Variants in APLP2 observed in about 807,000 individuals in gnomAD.
APLP2 encodes CDEI box-binding protein.
In APLP2, 53 loss-of-function variants were observed where a neutral mutation model predicts 89.9. That is an observed-to-expected ratio of 0.59 (90% CI 0.47 to 0.74). APLP2 has a LOEUF of 0.74. Among genes scored for constraint, APLP2 ranks in the 30% least tolerant of loss-of-function variants. The probability of loss-of-function intolerance (pLI) is 0.00; values close to 1 mark genes in which losing one functional copy is unlikely to be tolerated. For missense variants in APLP2, 973 were observed against 975.9 expected (o/e 1.00, Z 0.04); for synonymous variants, 372 against 348.6 (o/e 1.07, Z -0.75).
At chr11:130,133,848 C>T in intron 12 of APLP2, 120 bp downstream of exon 12, 2 of 723,276 alleles carry the variant, frequency 2.8e-6, no homozygotes. Flanking sequence ...GGCATTAGCA[C>T]ATCCTGGCTT....
chr11:130,104,747 C>T (rs1237416488), intron 1 of APLP2, among the ~76,000 whole-genome samples: 1 of 151,410 alleles, frequency 6.6e-6, no homozygotes, highest in Non-Finnish European at 1.5e-5. Flanking sequence ...GGGCCTTCTA[C>T]TTTAATAAAT....
intron 12 of APLP2, 66 bp downstream of exon 12, chr11:130,133,794 G>A: frequency 1.6e-6 from 2 of 1,263,082 alleles, no homozygotes; most frequent in South Asian, 2.4e-5. Flanking sequence ...AGTGAAAGCT[G>A]GGCAAGAGTA....
At chr11:130,109,653 G>T (rs1290553726) in intron 2 of APLP2, 51 bp downstream of exon 2, 3 of 1,555,450 alleles carry the variant, frequency 1.9e-6, no homozygotes, top group South Asian at 1.2e-5. Flanking sequence ...GGGCAGGGTT[G>T]AATCTGTTTA....
In APLP2 at chr11:130,140,398, G is replaced by C; in HGVS notation, c.1838G>C (p.Gly613Ala). ...HPFPALPENE[G>A]SGVGEQDGGL... ...TCAGCCATGATCTCTCTCCACACAGGATCTGGAGTGGGAGAGCAGGATGGG... is the reference window on the plus strand; with the variant it reads ...TCAGCCATGATCTCTCTCCACACAGCATCTGGAGTGGGAGAGCAGGATGGG... Residue 613 changes from glycine to alanine, a missense_variant and splice_region_variant, in exon 14 of 17, where the codon GGA (glycine) becomes GCA (alanine). Coordinates refer to ENST00000338167, the MANE Select transcript of APLP2 (RefSeq NM_001142276.2). 1 of 1,605,716 alleles carries C rather than the reference G, an allele frequency of 6.2e-7. No homozygotes were observed. Among genetic ancestry groups the C allele is most frequent in the Non-Finnish European group, 8.5e-7 (1 of 1,176,324 alleles).
intron 13 of APLP2, among the ~76,000 whole-genome samples, chr11:130,137,579 C>T (rs974025116): frequency 6.6e-6 from 1 of 152,228 alleles, no homozygotes; most frequent in Non-Finnish European, 1.5e-5. Context: ...ATTTCATGAC[C>T]CTTTTAATCT....
At chr11:130,107,812 C>G (rs1318634145) in intron 1 of APLP2, among the ~76,000 whole-genome samples, 1 of 152,340 alleles carries the variant, frequency 6.6e-6, no homozygotes, top group Non-Finnish European at 1.5e-5. Context: ...TGACTTCAAA[C>G]TATACTTCAA....
chr11:130,143,427 C>T lies in APLP2; in HGVS notation c.2235C>T (p.Tyr745=). 1 of 1,613,922 alleles carries T rather than the reference C, an allele frequency of 6.2e-7. No homozygotes were observed. The highest frequency in any genetic ancestry group is 8.5e-7 in the Non-Finnish European group (1 of 1,179,964). ...NHGYENPTYK[Y]LEQMQI Reference sequence around the variant, plus strand: ...GCTATGAGAACCCCACCTACAAATACCTGGAGCAGATGCAGATTTAGGTGG... The same window carrying T: ...GCTATGAGAACCCCACCTACAAATATCTGGAGCAGATGCAGATTTAGGTGG... The change falls in exon 17 of 17, where the codon TAC becomes TAT. Residue 745 remains tyrosine, a synonymous_variant. Transcript: ENST00000338167.
chr11:130,121,757 T>G lies in APLP2; in HGVS notation c.660T>G (p.Asp220Glu), dbSNP rs1063201. Reference protein sequence around the residue: ...GSVSKEEEEEDEEEEEEEDEE... With the variant: ...GSVSKEEEEEEEEEEEEEDEE... ...TGTCAAAAGAAGAGGAAGAGGAAGA[T>G]GAAGAGGAAGAGGAAGAGGAAGATG... The change falls in exon 5 of 17, where the codon GAT becomes GAG. Residue 220 changes from aspartate to glutamate, a missense_variant. Coordinates refer to ENST00000338167, the MANE Select transcript of APLP2 (RefSeq NM_001142276.2). The G allele has an allele frequency of 7.7e-5, 124 of 1,609,902 alleles. No homozygotes were observed. Among genetic ancestry groups the G allele is most frequent in the Middle Eastern group, 3.3e-4 (2 of 6,030 alleles).
chr11:130,071,823 A>T (rs1941159480), intron 1 of APLP2, among the ~76,000 whole-genome samples: 1 of 152,188 alleles, frequency 6.6e-6, no homozygotes, highest in Admixed American at 6.5e-5. Flanking sequence ...TGTTCTTTGG[A>T]GCTGTATTTT....
chr11:130,101,604 G>A (rs1591795860), intron 1 of APLP2: 1 of 169,240 alleles, frequency 5.9e-6, no homozygotes, highest in Non-Finnish European at 1.3e-5. Context: ...ATATTGAAAC[G>A]ATGCATTCCA....
In APLP2 at chr11:130,143,575, T is replaced by C; in HGVS notation, c.*127T>C. 1 of 729,532 alleles carries C rather than the reference T, an allele frequency of 1.4e-6. No homozygotes were observed. The highest frequency in any genetic ancestry group is 2.6e-5 in the East Asian group (1 of 37,982). 45.2% of individuals were successfully genotyped at this position (729,532 alleles called of 1,614,324 possible). On this transcript the variant is annotated 3_prime_UTR_variant, in exon 17 of 17. Coordinates refer to ENST00000338167, the MANE Select transcript of APLP2 (RefSeq NM_001142276.2). ...TCTGACATCCTGACCTCCTGGACTG[T>C]AGGACTATATAAAGTACTACTGTAG...
rs189586920 is a variant in APLP2 at position 130,122,317 on chromosome 11, T to C, written c.726T>C (p.Thr242=). ...DYDVYKSEFP[T]EADLEDFTEA... ...TTTTGGCCTTCAGTGAATTTCCTACTGAAGCAGATCTGGAAGACTTCACAG... is the reference window on the plus strand; with the variant it reads ...TTTTGGCCTTCAGTGAATTTCCTACCGAAGCAGATCTGGAAGACTTCACAG... The change falls in exon 6 of 17, where the codon ACT becomes ACC. Residue 242 remains threonine, a synonymous_variant. Coordinates refer to ENST00000338167, the MANE Select transcript of APLP2 (RefSeq NM_001142276.2). 5.1e-5 allele frequency: 82 copies of C among 1,614,012 alleles called. No homozygotes were observed. The African/African-American group carries it at 1.0e-3, about 20-fold the overall frequency.
chr11:130,082,073 A>G (rs1383147347), intron 1 of APLP2, among the ~76,000 whole-genome samples: 1 of 152,244 alleles, frequency 6.6e-6, no homozygotes, highest in Non-Finnish European at 1.5e-5. Context: ...AGATGATATA[A>G]TAACTAGAAA....
intron 3 of APLP2, among the ~76,000 whole-genome samples, chr11:130,119,879 C>T (rs1223715864): frequency 6.6e-6 from 1 of 152,168 alleles, no homozygotes; most frequent in Non-Finnish European, 1.5e-5. Flanking sequence ...TCCTAAGTGT[C>T]CAACTAGTGT....
intron 3 of APLP2, among the ~76,000 whole-genome samples, chr11:130,115,967 A>G (rs1949110685): frequency 1.3e-5 from 2 of 152,224 alleles, no homozygotes; most frequent in South Asian, 4.1e-4. Context: ...TGTGATTAAC[A>G]TTTTGGGGTA....
chr11:130,126,657 G>A (rs765322137), intron 7 of APLP2, 43 bp from the exon 8 acceptor site: 2 of 1,610,490 alleles, frequency 1.2e-6, no homozygotes, highest in Admixed American at 3.3e-5. Flanking sequence ...AGAGCACAGT[G>A]CATCTGATCC....
intron 11 of APLP2, 68 bp from the exon 12 acceptor site, chr11:130,133,561 G>C (rs1387333369): frequency 6.0e-6 from 7 of 1,164,180 alleles, no homozygotes; most frequent in Non-Finnish European, 9.1e-6. Flanking sequence ...CGATGTTCCA[G>C]CTGCAAGTTC....
chr11:130,099,605 A>G (rs1381106572), intron 1 of APLP2, among the ~76,000 whole-genome samples: 4 of 152,260 alleles, frequency 2.6e-5, no homozygotes. Flanking sequence ...TTTTAAATGT[A>G]TTAAATCATT....
At chr11:130,143,182 C>G (rs1952631651) in intron 16 of APLP2, among the ~76,000 whole-genome samples, 165 bp from the exon 17 acceptor site, 2 of 152,194 alleles carry the variant, frequency 1.3e-5, no homozygotes, top group Admixed American at 1.3e-4. Context: ...TATTTTCTTT[C>G]TCCTGTGTTT....
Sources: gnomAD v4.1 joint callset for allele counts (sites outside exome capture counted in the v4.1 genomes callset) on GRCh38, gnomAD v4.1.1 for gene constraint, MANE v1.5 for transcripts, NCBI Gene and HGNC (gene_info 2026-07-23, HGNC 2026-07-21) for gene names.